DOCK1: variants seen among roughly 807,000 people sequenced by gnomAD.
DOCK1 encodes dedicator of cytokinesis protein 1.
A neutral mutation model predicts 262.7 loss-of-function variants in DOCK1; 138 were observed. That is an observed-to-expected ratio of 0.53 (90% CI 0.46 to 0.61). The LOEUF (loss-of-function observed/expected upper bound fraction) is 0.61, where lower values mean the gene tolerates loss of function less well. Among genes scored for constraint, DOCK1 ranks in the 20% least tolerant of loss-of-function variants. DOCK1 has a pLI of 0.00. For synonymous variants in DOCK1, 866 were observed against 867.4 expected (o/e 1.00, Z 0.03); for missense variants, 1,908 against 2,370.7 (o/e 0.80, Z 4.05).
In DOCK1 at chr10:127,110,317, G is replaced by A. The variant is rs1318205396; in HGVS notation, c.2586G>A (p.Leu862=). 1 of 1,613,526 alleles carries A rather than the reference G, an allele frequency of 6.2e-7. No homozygotes were observed. Among genetic ancestry groups the A allele is most frequent in the Non-Finnish European group, 8.5e-7 (1 of 1,179,736 alleles). Residue 862 remains leucine, a synonymous_variant, in exon 25 of 52, where the codon TTG becomes TTA. Coordinates refer to ENST00000623213, the MANE Select transcript of DOCK1 (RefSeq NM_001290223.2). The part of the protein sequence containing the change: ...GLLTIQKLYC[L]IEIVHSDLFT... ...TGACCATCCAGAAACTCTACTGCTT[G>A]ATCGAAATCGTCCACAGTGACCTCT...
intron 27 of DOCK1, among the ~76,000 whole-genome samples, chr10:127,222,486 C>T (rs981598606): frequency 6.6e-6 from 1 of 152,154 alleles, no homozygotes; most frequent in African/African-American, 2.4e-5. Context: ...TTTTAAAAAA[C>T]GGTTGAATCA....
intron 43 of DOCK1, among the ~76,000 whole-genome samples, chr10:127,414,557 A>AGTATT (rs1189832847): frequency 2.0e-5 from 3 of 152,262 alleles, no homozygotes; most frequent in African/African-American, 7.2e-5. Flanking sequence ...GAAGTCTTGA[A>AGTATT]CAATAGATAC....
At position 127,361,959 on chromosome 10, in the gene DOCK1, C is replaced by A. The variant is rs199564304; in HGVS notation, c.3284-105C>A. 2.7e-5 allele frequency: 34 copies of A among 1,279,928 alleles called. No individual in the cohort carries two copies. In the East Asian group the frequency reaches 8.2e-4, roughly 31 times the overall value. 79.3% of individuals were successfully genotyped at this position (1,279,928 alleles called of 1,614,324 possible). On this transcript the variant is annotated intron_variant, in intron 32 of 51. Coordinates refer to ENST00000623213, the MANE Select transcript of DOCK1 (RefSeq NM_001290223.2). ...ATGGATGCACATTTTCGGGATCCTG[C>A]TGCTCAAAGTCACAGTGATCTGTGT... is the stretch of plus-strand genomic sequence containing the variant.
At chr10:126,911,489 G>A (rs1278203929) in intron 1 of DOCK1, among the ~76,000 whole-genome samples, 9 of 152,300 alleles carry the variant, frequency 5.9e-5, no homozygotes, top group Non-Finnish European at 1.0e-4. Flanking sequence ...TGGAGACCAC[G>A]GTTAACACCA....
At chr10:126,917,655 A>C (rs1383776996) in intron 1 of DOCK1, among the ~76,000 whole-genome samples, 1 of 152,014 alleles carries the variant, frequency 6.6e-6, no homozygotes, top group Non-Finnish European at 1.5e-5. Flanking sequence ...TCTGGAAGAG[A>C]CTTATCCCTT....
intron 16 of DOCK1, among the ~76,000 whole-genome samples, chr10:127,031,019 T>C (rs1168730710): frequency 6.6e-6 from 1 of 152,210 alleles, no homozygotes; most frequent in East Asian, 1.9e-4. Context: ...GAGCCCCACA[T>C]GCAGATACCT....
At chr10:126,973,630 A>C (rs1430169322) in intron 2 of DOCK1, among the ~76,000 whole-genome samples, 1 of 152,176 alleles carries the variant, frequency 6.6e-6, no homozygotes, top group Non-Finnish European at 1.5e-5. Flanking sequence ...TTGACAACTA[A>C]CTTTTTGGTT....
chr10:126,956,078 A>C (rs922065124), intron 1 of DOCK1, among the ~76,000 whole-genome samples: 7 of 152,230 alleles, frequency 4.6e-5, no homozygotes, highest in African/African-American at 1.7e-4. Context: ...TTCGGTCTGC[A>C]AGTATGGAAA....
intron 29 of DOCK1, among the ~76,000 whole-genome samples, chr10:127,289,429 A>C (rs2135351718): frequency 6.6e-6 from 1 of 152,282 alleles, no homozygotes; most frequent in African/African-American, 2.4e-5. Flanking sequence ...AGCCTCATGC[A>C]CACAACTTTA....
chr10:127,251,859 T>G lies in DOCK1; in HGVS notation c.2949+3750T>G, dbSNP rs2059658713. ...ATAAACATACGTGTGCATGTGTCTT[T>G]ATAGCAGCATGATTTATAGTCCTTT... On this transcript the variant is annotated intron_variant, in intron 28 of 51. Transcript: ENST00000623213. Among the ~76,000 whole-genome samples, 3 of 148,304 alleles carry G rather than the reference T, an allele frequency of 2.0e-5. No individual in the cohort carries two copies. In the South Asian group the frequency reaches 6.7e-4, roughly 33 times the overall value.
chr10:127,079,674 T>C lies in DOCK1; in HGVS notation c.2445+17898T>C, dbSNP rs186857858. On this transcript the variant is annotated intron_variant, in intron 23 of 51. Transcript: ENST00000623213. ...GGCAGGGTGAGGTGGCTCATGCTTA[T>C]AATCCCAGCACTTTGGGAGGCCGAG... Among the ~76,000 whole-genome samples, 156 of 152,328 alleles carry C rather than the reference T, an allele frequency of 1.0e-3. 1 individual carries two copies. The highest frequency in any genetic ancestry group is 3.5e-3 in the African/African-American group (145 of 41,576).
intron 48 of DOCK1, among the ~76,000 whole-genome samples, chr10:127,436,738 C>T (rs911116442): frequency 1.3e-5 from 2 of 151,894 alleles, no homozygotes; most frequent in Non-Finnish European, 2.9e-5. Context: ...AACCATAACT[C>T]GGTTATATTA....
chr10:127,312,854 T>C (rs768694981), intron 29 of DOCK1, among the ~76,000 whole-genome samples: 2 of 142,674 alleles, frequency 1.4e-5, no homozygotes, highest in Non-Finnish European at 3.0e-5. Context: ...ACTGAACAAC[T>C]CACCTGCTGG....
In DOCK1 at chr10:127,024,798, G is replaced by T. The variant is rs1327923578; in HGVS notation, c.1551+15G>T. 1 of 1,580,256 alleles carries T rather than the reference G, an allele frequency of 6.3e-7. No individual in the cohort carries two copies. Among genetic ancestry groups the T allele is most frequent in the East Asian group, 2.3e-5 (1 of 44,160 alleles). The stretch of plus-strand genomic sequence containing the variant: ...AGACTGTTAAGGTATTATTTACATG[G>T]TCATTTTATCACATGGCGCTGATTA... On this transcript the variant is annotated intron_variant, in intron 15 of 51. Transcript: ENST00000623213.
chr10:127,448,805 T>G (rs1273648720), intron 51 of DOCK1, among the ~76,000 whole-genome samples: 1 of 151,048 alleles, frequency 6.6e-6, no homozygotes, highest in African/African-American at 2.4e-5. Context: ...AGACATGGTT[T>G]TTTTTTTTAT....
At chr10:127,240,304 A>G (rs1291869112) in intron 27 of DOCK1, among the ~76,000 whole-genome samples, 17 of 149,404 alleles carry the variant, frequency 1.1e-4, no homozygotes, top group Non-Finnish European at 1.5e-4. Flanking sequence ...TCCTCACTCT[A>G]AAGTTCTTTA....
intron 49 of DOCK1, among the ~76,000 whole-genome samples, chr10:127,440,743 C>A (rs905126480): frequency 6.6e-6 from 1 of 152,226 alleles, no homozygotes; most frequent in African/African-American, 2.4e-5. Context: ...CGCTGCTCTG[C>A]GGCCTGTGGG....
rs145661000 is a variant in DOCK1 at position 127,357,317 on chromosome 10, A to G, written c.3283+2590A>G. On this transcript the variant is annotated intron_variant, in intron 32 of 51. Coordinates refer to ENST00000623213, the MANE Select transcript of DOCK1 (RefSeq NM_001290223.2). ...AGTCCCTGAGATTGATCACCACTGAAAGTGGCTCCATTTCAATTTGTGCTA... is the reference window on the plus strand; with the variant it reads ...AGTCCCTGAGATTGATCACCACTGAGAGTGGCTCCATTTCAATTTGTGCTA... Among the ~76,000 whole-genome samples the G allele has an allele frequency of 8.5e-3, 1,293 of 152,274 alleles. 24 individuals carry two copies. Among genetic ancestry groups the G allele is most frequent in the African/African-American group, 0.029 (1,225 of 41,554 alleles).
rs1254927555 is a variant in DOCK1 at position 127,282,716 on chromosome 10, G to A, written c.3044+25287G>A. Among the ~76,000 whole-genome samples the A allele has an allele frequency of 2.0e-5, 3 of 152,236 alleles. No homozygotes were observed. The East Asian group carries it at 5.8e-4, about 29-fold the overall frequency. ...GCTTTTCCTCTTGGTTGGGTAACAA[G>A]CATTCAGTTGACTGCATATTCTCCT... On this transcript the variant is annotated intron_variant, in intron 29 of 51. Coordinates refer to ENST00000623213, the MANE Select transcript of DOCK1 (RefSeq NM_001290223.2).
Sources: allele counts gnomAD v4.1 joint callset (sites outside exome capture counted in the v4.1 genomes callset), GRCh38; gene constraint gnomAD v4.1.1; transcripts MANE v1.5; gene names NCBI Gene and HGNC (gene_info 2026-07-23, HGNC 2026-07-21).